Variants in GRIK2 observed in about 807,000 individuals in gnomAD.
GRIK2 encodes the protein glutamate receptor ionotropic, kainate 2.
A neutral mutation model predicts 100.3 loss-of-function variants in GRIK2; 32 were observed. That is an observed-to-expected ratio of 0.32 (90% CI 0.24 to 0.43). The LOEUF is 0.43. GRIK2 is among the 20% of genes least tolerant of loss of function. The pLI is 1.00. For synonymous variants in GRIK2, 417 were observed against 389.4 expected, an observed-to-expected ratio of 1.07 and a Z score of -0.83; for missense variants, 843 against 1,114.9, an observed-to-expected ratio of 0.76 and a Z score of 3.47.
At position 101,571,677 on chromosome 6, in the gene GRIK2, T is replaced by C. The variant is rs148852003; in HGVS notation, c.116-50272T>C. Among the ~76,000 whole-genome samples, 113 of 152,278 alleles carry C rather than the reference T, an allele frequency of 7.4e-4. No homozygotes were observed. In the East Asian group the frequency reaches 0.018, roughly 24 times the overall value. On this transcript the variant is annotated intron_variant, in intron 2 of 16. Coordinates refer to ENST00000369134, the MANE Select transcript of GRIK2 (RefSeq NM_021956.5). ...ATGATGATGTTTTTAAAATTGAGTA[T>C]AAATACTTTCTGCAGATAATTTGTA...
chr6:101,616,809 A>C (rs1779915174), intron 2 of GRIK2, among the ~76,000 whole-genome samples: 1 of 151,772 alleles, frequency 6.6e-6, no homozygotes, highest in African/African-American at 2.4e-5. Flanking sequence ...TAAAGATTCT[A>C]TCTCATTGTT....
At chr6:101,910,609 A>C (rs969757394) in intron 12 of GRIK2, among the ~76,000 whole-genome samples, 1 of 151,318 alleles carries the variant, frequency 6.6e-6, no homozygotes, top group Non-Finnish European at 1.5e-5. Context: ...CATATTGTAT[A>C]TTTGAGCATG....
intron 14 of GRIK2, among the ~76,000 whole-genome samples, chr6:102,017,010 C>T (rs1371084605): frequency 1.3e-5 from 2 of 152,068 alleles, no homozygotes; most frequent in Non-Finnish European, 2.9e-5. Flanking sequence ...CCAAGAGTTC[C>T]ATATCCAGCT....
chr6:101,922,132 C>CTTCA (rs1789586985), intron 12 of GRIK2, among the ~76,000 whole-genome samples: 2 of 136,948 alleles, frequency 1.5e-5, no homozygotes, highest in African/African-American at 2.8e-5. Flanking sequence ...TCCTTCCTTC[C>CTTCA]TTCCTTCCCT....
intron 2 of GRIK2, among the ~76,000 whole-genome samples, chr6:101,508,544 G>A (rs1010122089): frequency 2.0e-5 from 3 of 151,932 alleles, no homozygotes; most frequent in African/African-American, 7.3e-5. Flanking sequence ...TATTTCATAA[G>A]CTTATATATT....
intron 2 of GRIK2, among the ~76,000 whole-genome samples, chr6:101,513,000 ATAT>A (rs908734398): frequency 2.6e-5 from 4 of 151,774 alleles, no homozygotes; most frequent in Admixed American, 2.0e-4. Context: ...TTTCCATTAA[ATAT>A]TATTATTTTA....
intron 7 of GRIK2, among the ~76,000 whole-genome samples, chr6:101,737,003 CA>C (rs1554256018): frequency 6.6e-6 from 1 of 152,152 alleles, no homozygotes; most frequent in Non-Finnish European, 1.5e-5. Flanking sequence ...ATCTTTAGGT[CA>C]GGGGCAAAAT....
intron 4 of GRIK2, among the ~76,000 whole-genome samples, chr6:101,652,536 T>A (rs1257278601): frequency 6.6e-6 from 1 of 152,148 alleles, no homozygotes; most frequent in African/African-American, 2.4e-5. Flanking sequence ...TGATTATATA[T>A]ACAGACAACA....
chr6:101,795,551 G>T (rs1780240193), intron 7 of GRIK2, among the ~76,000 whole-genome samples: 1 of 152,210 alleles, frequency 6.6e-6, no homozygotes. Context: ...GCAGCAGTGG[G>T]CATGTGTGTG....
chr6:101,938,366 T>G (rs1159477415), intron 14 of GRIK2, among the ~76,000 whole-genome samples: 1 of 152,116 alleles, frequency 6.6e-6, no homozygotes, highest in African/African-American at 2.4e-5. Flanking sequence ...TTCTTCCCCT[T>G]AACTCCAGAT....
intron 2 of GRIK2, among the ~76,000 whole-genome samples, chr6:101,528,858 A>T (rs1486536371): frequency 6.6e-6 from 1 of 152,136 alleles, no homozygotes; most frequent in African/African-American, 2.4e-5. Context: ...CTACAGACTC[A>T]TAGCATTCTT....
chr6:102,039,049 C>A (rs1287687064), intron 15 of GRIK2, among the ~76,000 whole-genome samples: 1 of 151,208 alleles, frequency 6.6e-6, no homozygotes, highest in Non-Finnish European at 1.5e-5. Flanking sequence ...CCACCCCTGC[C>A]CCATTTTCCC....
intron 12 of GRIK2, among the ~76,000 whole-genome samples, chr6:101,894,654 C>T (rs770847935): frequency 3.3e-5 from 5 of 151,602 alleles, no homozygotes; most frequent in Admixed American, 6.6e-5. Context: ...GCACCCACCC[C>T]TTACATTAAT....
At chr6:101,947,677 G>A (rs1361099857) in intron 14 of GRIK2, among the ~76,000 whole-genome samples, 1 of 152,148 alleles carries the variant, frequency 6.6e-6, no homozygotes, top group Non-Finnish European at 1.5e-5. Context: ...ATAAAAATGT[G>A]TTGGATACTG....
chr6:101,655,255 G>C lies in GRIK2; in HGVS notation c.542-21368G>C, dbSNP rs187371714. 2.2e-3 allele frequency among the ~76,000 whole-genome samples: 342 copies of C among 152,250 alleles called. 1 individual carries two copies. The highest frequency in any genetic ancestry group is 2.7e-3 in the Non-Finnish European group (185 of 68,020). On this transcript the variant is annotated intron_variant, in intron 4 of 16. Transcript: ENST00000369134. ...AACACATGGATTGCAGAATTTGTATGCTGGCCAGAATTTCTGGTGGAGTAA... is the reference window on the plus strand; with the variant it reads ...AACACATGGATTGCAGAATTTGTATCCTGGCCAGAATTTCTGGTGGAGTAA...
chr6:101,560,784 C>T (rs1339021691), intron 2 of GRIK2, among the ~76,000 whole-genome samples: 1 of 152,012 alleles, frequency 6.6e-6, no homozygotes, highest in Non-Finnish European at 1.5e-5. Flanking sequence ...CATGAAATCT[C>T]ACTATTTGTC....
At chr6:101,949,254 A>G (rs989477050) in intron 14 of GRIK2, among the ~76,000 whole-genome samples, 7 of 151,866 alleles carry the variant, frequency 4.6e-5, no homozygotes, top group African/African-American at 7.3e-5. Context: ...GGATTTTTAA[A>G]TGCAGCCTTA....
chr6:101,651,140 C>T (rs1319547006), intron 4 of GRIK2, among the ~76,000 whole-genome samples: 1 of 151,750 alleles, frequency 6.6e-6, no homozygotes, highest in African/African-American at 2.4e-5. Flanking sequence ...TCAATTTTCC[C>T]CAGAATGAAT....
rs1315524835 is a variant in GRIK2 at position 102,006,390 on chromosome 6, A to ATATATATTTTTTT, written c.2086-28950_2086-28949insATATATTTTTTTT. ...CTTTTATATATATATATATATATAT[A>ATATATATTTTTTT]TTTTTTTTTTTTTTGAGACATACAG... is the stretch of plus-strand genomic sequence containing the variant. On this transcript the variant is annotated intron_variant, in intron 14 of 16. Transcript: ENST00000369134. 8.2e-4 allele frequency among the ~76,000 whole-genome samples: 93 copies of ATATATATTTTTTT among 114,084 alleles called. 1 individual carries two copies. In the Middle Eastern group the frequency reaches 0.015, roughly 18 times the overall value. The allele number at this position is 114,084 out of a possible 152,430, so 74.8% of individuals were successfully genotyped here.
Sources: gnomAD v4.1 joint callset for allele counts (sites outside exome capture counted in the v4.1 genomes callset) on GRCh38, gnomAD v4.1.1 for gene constraint, MANE v1.5 for transcripts, NCBI Gene and HGNC (gene_info 2026-07-23, HGNC 2026-07-21) for gene names.